The following PTPRF variants were observed in gnomAD, a reference collection of about 807,000 sequenced individuals.
The protein encoded by PTPRF is protein tyrosine phosphatase receptor type F.
In PTPRF, 59 loss-of-function variants were observed where a neutral mutation model predicts 201.8. The ratio of observed to expected loss-of-function variants is 0.29; its 90% CI spans 0.24 to 0.36. PTPRF has a LOEUF of 0.36. Ranked by LOEUF, PTPRF falls within the 10% of genes least tolerant of loss-of-function variation. The pLI is 1.00. For missense variants in PTPRF, 2,132 were observed against 2,690.5 expected (o/e 0.79, Z 4.59); for synonymous variants, 1,088 against 1,089.7 (o/e 1.00, Z 0.03).
At chr1:43,613,802 G>A in intron 23 of PTPRF, 87 bp downstream of exon 23, 1 of 1,223,854 alleles carries the variant, frequency 8.2e-7, no homozygotes, top group Non-Finnish European at 1.2e-6. Context: ...GCTGTGGTGG[G>A]TGAGGAAGCA....
At chr1:43,596,000 C>T (rs540022802) in intron 11 of PTPRF, among the ~76,000 whole-genome samples, 1 of 152,096 alleles carries the variant, frequency 6.6e-6, no homozygotes, top group South Asian at 2.1e-4. Context: ...GCCTCAGTGC[C>T]GCTGTAGAGA....
rs1419632455 is a variant in PTPRF at position 43,620,569 on chromosome 1, C to T, written c.5354C>T (p.Thr1785Met). The T allele has an allele frequency of 5.0e-6, 8 of 1,613,778 alleles. No individual in the cohort carries two copies. The highest frequency in any genetic ancestry group is 1.1e-5 in the South Asian group (1 of 91,032). Residue 1785 changes from threonine (T) to methionine (M), a missense_variant, in exon 31 of 34, where the codon ACG becomes ATG. Physicochemically the swap from Thr to Met is moderately conservative, Grantham distance 81. Transcript: ENST00000359947. ...PQYILREFKVTDARDGQSRTI... is the reference protein window; with the variant it reads ...PQYILREFKVMDARDGQSRTI... ...TATATCCTGCGTGAGTTCAAGGTCACGGATGCCCGGGTGAGTGAGTGCATT... is the reference window on the plus strand; with the variant it reads ...TATATCCTGCGTGAGTTCAAGGTCATGGATGCCCGGGTGAGTGAGTGCATT...
chr1:43,602,491 G>A (rs1256071410), intron 14 of PTPRF, among the ~76,000 whole-genome samples: 1 of 152,198 alleles, frequency 6.6e-6, no homozygotes. Flanking sequence ...GCATTCTGGA[G>A]CCCCAGCCCT....
intron 5 of PTPRF, among the ~76,000 whole-genome samples, chr1:43,568,312 AAAAG>A (rs1408913133): frequency 1.3e-5 from 2 of 151,884 alleles, no homozygotes; most frequent in African/African-American, 2.4e-5. Context: ...AAAAAAAAGA[AAAAG>A]AAAATTGGTG....
intron 23 of PTPRF, among the ~76,000 whole-genome samples, chr1:43,614,332 C>T (rs1402580469): frequency 2.0e-5 from 3 of 152,220 alleles, no homozygotes; most frequent in Non-Finnish European, 1.5e-5. Context: ...TGCCACAGCT[C>T]ACGGGGAGTC....
Position 43,542,495 on chromosome 1 carries a change from TG to T in PTPRF, c.-45-2531del, listed in dbSNP as rs1466364989. Among the ~76,000 whole-genome samples the T allele has an allele frequency of 6.6e-6, 1 of 152,094 alleles. No homozygotes were observed. The highest frequency in any genetic ancestry group is 6.5e-5 in the Admixed American group (1 of 15,282). On this transcript the variant is annotated intron_variant, in intron 2 of 33. Coordinates refer to ENST00000359947, the MANE Select transcript of PTPRF (RefSeq NM_002840.5). The surrounding 1 kb of genome is among the most constrained non-coding windows in gnomAD (Gnocchi z 5.2). Reference sequence around the variant, plus strand: ...CAGGGGGTTTCTGGAGGCCCCACGTTGGGGGTAGGGTTACCTGAGGCCCAAG... The same window carrying T: ...CAGGGGGTTTCTGGAGGCCCCACGTTGGGGTAGGGTTACCTGAGGCCCAAG...
intron 6 of PTPRF, 146 bp downstream of exon 6, chr1:43,569,924 G>A: frequency 2.1e-6 from 2 of 945,106 alleles, no homozygotes; most frequent in Admixed American, 3.2e-5. Flanking sequence ...CTTACTGCAG[G>A]TGTGCCTGGC....
chr1:43,602,165 TC>T, intron 14 of PTPRF, 68 bp downstream of exon 14: 2 of 1,530,542 alleles, frequency 1.3e-6, no homozygotes, highest in Non-Finnish European at 1.8e-6. Context: ...GCTCCTCCTC[TC>T]CCTCCTTTCC....
intron 2 of PTPRF, among the ~76,000 whole-genome samples, chr1:43,543,730 C>A (rs188857433): frequency 4.7e-4 from 72 of 152,040 alleles, no homozygotes; most frequent in East Asian, 7.7e-4. Context: ...CTTGCAAATT[C>A]TCTTACTATT....
chr1:43,574,082 T>A (rs564751918), intron 6 of PTPRF, among the ~76,000 whole-genome samples: 2 of 137,608 alleles, frequency 1.5e-5, no homozygotes, highest in East Asian at 5.0e-4. Context: ...TCGCAACCTC[T>A]GCCTCCCAGG....
intron 3 of PTPRF, among the ~76,000 whole-genome samples, chr1:43,547,254 AG>A (rs1354540032): frequency 6.6e-6 from 1 of 152,198 alleles, no homozygotes; most frequent in Non-Finnish European, 1.5e-5. Flanking sequence ...GGTAGGGGCA[AG>A]GGGGAACAGT....
At chr1:43,573,973 G>T (rs1181293765) in intron 6 of PTPRF, among the ~76,000 whole-genome samples, 1 of 123,948 alleles carries the variant, frequency 8.1e-6, no homozygotes, top group East Asian at 2.5e-4. Flanking sequence ...TGCTTGTGTG[G>T]GTTCTTTTTT....
intron 22 of PTPRF, chr1:43,613,168 C>CCGAG: frequency 1.7e-5 from 4 of 230,606 alleles, no homozygotes; most frequent in South Asian, 1.0e-4. Flanking sequence ...ATGACCACTC[C>CCGAG]ATCTACACAC....
At chr1:43,572,833 G>A (rs1244043320) in intron 6 of PTPRF, among the ~76,000 whole-genome samples, 2 of 152,002 alleles carry the variant, frequency 1.3e-5, no homozygotes, top group Admixed American at 6.5e-5. Context: ...ATCGAGACTC[G>A]GCCTAGGAGC....
In PTPRF at chr1:43,606,333, G is replaced by A. The variant is rs763517386; in HGVS notation, c.3577G>A (p.Val1193Met). 5.0e-6 allele frequency: 8 copies of A among 1,614,088 alleles called. No homozygotes were observed. In the Admixed American group the frequency reaches 1.3e-4, roughly 27 times the overall value. Residue 1193 changes from valine (V) to methionine (M), a missense_variant, in exon 20 of 34, where the codon GTG becomes ATG. Physicochemically the swap from Val to Met is conservative, Grantham distance 21. Around this residue, in one of 6 missense-constraint regions of PTPRF, gnomAD observed 818 missense variants for 915.3 expected, o/e 0.89. Coordinates refer to ENST00000359947, the MANE Select transcript of PTPRF (RefSeq NM_002840.5). ...GCCATATGTGGCTGCTCAACTGGAT[G>A]TGCTCCCGGAGACCTTTACCTTGGG... ...LKPYVAAQLDVLPETFTLGDK... is the reference protein window; with the variant it reads ...LKPYVAAQLDMLPETFTLGDK...
intron 6 of PTPRF, chr1:43,575,950 T>C: frequency 2.2e-6 from 3 of 1,364,752 alleles, no homozygotes; most frequent in South Asian, 1.1e-5. Flanking sequence ...TCCGTGCCTC[T>C]CGCCACACCA....
chr1:43,548,390 T>A (rs1376372013), intron 3 of PTPRF, among the ~76,000 whole-genome samples: 2 of 151,958 alleles, frequency 1.3e-5, no homozygotes. Context: ...GTGTGTCTGT[T>A]GTGTCATTTC....
chr1:43,613,090 C>T (rs1656872422), intron 22 of PTPRF: 2 of 352,208 alleles, frequency 5.7e-6, no homozygotes, highest in Non-Finnish European at 1.1e-5. Flanking sequence ...CTCTACCTCT[C>T]ATCTCCTCTC....
intron 6 of PTPRF, among the ~76,000 whole-genome samples, chr1:43,576,672 T>C (rs1001800752): frequency 6.6e-6 from 1 of 152,258 alleles, no homozygotes; most frequent in African/African-American, 2.4e-5. Flanking sequence ...CAGAAGTGTA[T>C]TTCCTCTTTA....
Sources: gnomAD v4.1 joint callset for allele counts (sites outside exome capture counted in the v4.1 genomes callset) on GRCh38, gnomAD v4.1.1 for gene constraint, gnomAD v4.1.1 regional missense constraint, Gnocchi (gnomAD v3.1) non-coding constraint, MANE v1.5 for transcripts, NCBI Gene and HGNC (gene_info 2026-07-23, HGNC 2026-07-21) for gene names.